Variants in FBXL2 observed in about 807,000 individuals in gnomAD.
The protein encoded by FBXL2 is F-box and leucine rich repeat protein 2.
A neutral mutation model predicts 69.2 loss-of-function variants in FBXL2; 38 were observed. The observed-to-expected ratio is 0.55, with a 90% CI of 0.42 to 0.72. FBXL2 has a LOEUF of 0.72. Among genes scored for constraint, FBXL2 ranks in the 30% least tolerant of loss-of-function variants. The probability of loss-of-function intolerance (pLI) is 0.00; values close to 1 mark genes in which losing one functional copy is unlikely to be tolerated. For synonymous variants in FBXL2, 192 were observed against 201.3 expected, an observed-to-expected ratio of 0.95 and a Z score of 0.39; for missense variants, 354 against 520.3, an observed-to-expected ratio of 0.68 and a Z score of 3.11.
chr3:33,374,830 G>A (rs1287497827), intron 9 of FBXL2, among the ~76,000 whole-genome samples: 1 of 151,978 alleles, frequency 6.6e-6, no homozygotes, highest in African/African-American at 2.4e-5. Flanking sequence ...TAAAACATTT[G>A]ATGAAATATA....
intron 2 of FBXL2, among the ~76,000 whole-genome samples, chr3:33,355,312 A>G (rs1426389111): frequency 1.3e-5 from 2 of 152,252 alleles, no homozygotes; most frequent in African/African-American, 2.4e-5. Flanking sequence ...CTGGAAAACT[A>G]CAAAAATTAC....
chr3:33,414,839 C>A, the FBXL2 span, among the ~76,000 whole-genome samples: 1 of 152,024 alleles, frequency 6.6e-6, no homozygotes, highest in Non-Finnish European at 1.5e-5. Context: ...AATCAGTGGG[C>A]TAAATATTTA....
At chr3:33,381,010 T>C (rs1032085802) in intron 13 of FBXL2, among the ~76,000 whole-genome samples, 5 of 152,180 alleles carry the variant, frequency 3.3e-5, no homozygotes, top group Non-Finnish European at 7.4e-5. Context: ...CAGCTTTGAC[T>C]ATTGACTACG....
chr3:33,280,481 G>A (rs1426502015), intron 1 of FBXL2, among the ~76,000 whole-genome samples: 7 of 152,150 alleles, frequency 4.6e-5, no homozygotes, highest in Non-Finnish European at 8.8e-5. Flanking sequence ...GGCTGAGATG[G>A]GAGGACTGCT....
chr3:33,359,011 A>G lies in FBXL2; in HGVS notation c.110A>G (p.Gln37Arg). The stretch of plus-strand genomic sequence containing the variant: ...ATAGTAACTTTGTGCCGATGTGCAC[A>G]GATTTCCAAGGTAGAGTATTCACCA... ...LDIVTLCRCA[Q>R]ISKAWNILAL... Residue 37 changes from glutamine to arginine, a missense_variant, in exon 3 of 15, where the codon CAG (glutamine) becomes CGG (arginine). Coordinates refer to ENST00000484457, the MANE Select transcript of FBXL2 (RefSeq NM_012157.5). 6.4e-7 allele frequency: 1 copy of G among 1,551,434 alleles called. No homozygotes were observed. Among genetic ancestry groups the G allele is most frequent in the South Asian group, 1.3e-5 (1 of 78,726 alleles).
At chr3:33,374,831 A>T (rs1353856421) in intron 9 of FBXL2, among the ~76,000 whole-genome samples, 2 of 152,164 alleles carry the variant, frequency 1.3e-5, no homozygotes, top group Non-Finnish European at 2.9e-5. Context: ...AAAACATTTG[A>T]TGAAATATAA....
At chr3:33,379,825 T>G (rs909797469) in intron 13 of FBXL2, among the ~76,000 whole-genome samples, 2 of 152,186 alleles carry the variant, frequency 1.3e-5, no homozygotes, top group Non-Finnish European at 2.9e-5. Flanking sequence ...CAGGGTTTAC[T>G]CCAGAGACAC....
In FBXL2 at chr3:33,398,228, C is replaced by T. The variant is rs149102871; in HGVS notation, n.1215-5006C>T. On this transcript the variant is annotated intron_variant and non_coding_transcript_variant, in intron 12 of 12. Transcript: ENST00000463736. ...CTTCCATATGATAAATAGCCACTTA[C>T]ATATGTAGAAGATAATGGAGTCATC... 7 of 152,312 alleles carry T rather than the reference C, an allele frequency of 4.6e-5. No individual in the cohort carries two copies. The East Asian group carries it at 1.3e-3, about 29-fold the overall frequency. 9.4% of individuals were successfully genotyped at this position (152,312 alleles called of 1,614,324 possible). A position where few individuals can be genotyped will look rare whatever the true frequency, so the allele number is the denominator to read the frequency against.
intron 1 of FBXL2, among the ~76,000 whole-genome samples, chr3:33,288,433 G>C (rs1023684587): frequency 6.6e-6 from 1 of 152,200 alleles, no homozygotes. Flanking sequence ...AAGTACTTTG[G>C]AGAAAAATAA....
chr3:33,358,870 T>C (rs1358093676), intron 2 of FBXL2, 97 bp from the exon 3 acceptor site: 4 of 631,190 alleles, frequency 6.3e-6, no homozygotes, highest in African/African-American at 3.8e-5. Context: ...AAAAAACTTA[T>C]GTATCCAGGT....
At chr3:33,277,573 C>G in intron 1 of FBXL2, 58 bp downstream of exon 1, 1 of 1,250,242 alleles carries the variant, frequency 8.0e-7, no homozygotes, top group African/African-American at 1.6e-5. Flanking sequence ...CGGGCTGGGT[C>G]CGCACGCCGC....
rs1386201144 is a variant in FBXL2 at position 33,384,214 on chromosome 3, C to A, written c.1164+13C>A. 3 of 1,611,142 alleles carry A rather than the reference C, an allele frequency of 1.9e-6. No individual in the cohort carries two copies. The Admixed American group carries it at 5.0e-5, about 27-fold the overall frequency. On this transcript the variant is annotated intron_variant, in intron 14 of 14. Transcript: ENST00000484457. ...CAAGCGGATGCGGGTAGGTATGGGG[C>A]AGGGGAGTCAGTCACACCTGACATT...
chr3:33,390,285 A>G, downstream of FBXL2: 1 of 1,580,772 alleles, frequency 6.3e-7, no homozygotes, highest in Non-Finnish European at 8.7e-7. Flanking sequence ...ACACACTTTT[A>G]AGCGTGACTA....
the FBXL2 span, chr3:33,408,876 C>T: frequency 1.7e-5 from 21 of 1,252,138 alleles, no homozygotes; most frequent in South Asian, 5.0e-5. Context: ...CATGTCTCTT[C>T]AGTCCAATTA....
intron 4 of FBXL2, among the ~76,000 whole-genome samples, chr3:33,360,645 T>A (rs1272692725): frequency 6.6e-6 from 1 of 152,172 alleles, no homozygotes; most frequent in East Asian, 1.9e-4. Flanking sequence ...ATTACAATAG[T>A]ACTCCACCTA....
At chr3:33,360,705 C>G (rs1261031923) in intron 4 of FBXL2, among the ~76,000 whole-genome samples, 1 of 152,108 alleles carries the variant, frequency 6.6e-6, no homozygotes, top group Non-Finnish European at 1.5e-5. Flanking sequence ...TCAAACTGAT[C>G]ATACCTAACT....
At chr3:33,364,079 T>G (rs1296448069) in intron 4 of FBXL2, among the ~76,000 whole-genome samples, 1 of 152,224 alleles carries the variant, frequency 6.6e-6, no homozygotes, top group Non-Finnish European at 1.5e-5. Flanking sequence ...TCCTCTAATA[T>G]CTCTGCCAGT....
intron 2 of FBXL2, among the ~76,000 whole-genome samples, chr3:33,347,515 C>T (rs571563437): frequency 6.6e-6 from 1 of 152,220 alleles, no homozygotes; most frequent in South Asian, 2.1e-4. Context: ...TACTGATTTA[C>T]TTTCTTTTGG....
At chr3:33,385,478 C>T (rs770665060) in intron 14 of FBXL2, 23 bp from the exon 15 acceptor site, 8 of 1,591,974 alleles carry the variant, frequency 5.0e-6, no homozygotes, top group South Asian at 4.4e-5. Flanking sequence ...GTAAAGACTC[C>T]ACTTTTTTCT....
Sources: gnomAD v4.1 joint callset for allele counts (sites outside exome capture counted in the v4.1 genomes callset) on GRCh38, gnomAD v4.1.1 for gene constraint, MANE v1.5 for transcripts, NCBI Gene and HGNC (gene_info 2026-07-23, HGNC 2026-07-21) for gene names.